The following TRPC6 variants were observed in gnomAD, a reference collection of about 807,000 sequenced individuals.
TRPC6 encodes transient receptor potential cation channel subfamily C member 6, also known as short transient receptor potential channel 6.
Under a neutral mutation model 90.7 loss-of-function variants are expected in TRPC6, and 55 were observed. That is an observed-to-expected ratio of 0.61 (90% CI 0.49 to 0.76). TRPC6 has a LOEUF of 0.76. Ranked by LOEUF, TRPC6 falls within the 30% of genes least tolerant of loss-of-function variation. The pLI, the probability that TRPC6 is intolerant of heterozygous loss-of-function variation, is 0.00. For missense variants in TRPC6, 989 were observed against 1,122.7 expected, an observed-to-expected ratio of 0.88 and a Z score of 1.70; for synonymous variants, 393 against 393.0, an observed-to-expected ratio of 1.00 and a Z score of 0.00.
At chr11:101,487,161 A>C (rs959387839) in intron 4 of TRPC6, among the ~76,000 whole-genome samples, 1 of 152,136 alleles carries the variant, frequency 6.6e-6, no homozygotes, top group African/African-American at 2.4e-5. Flanking sequence ...GGAATACATT[A>C]TGCTTTCGAA....
At chr11:101,555,940 C>T (rs771942159) in intron 1 of TRPC6, among the ~76,000 whole-genome samples, 1 of 151,992 alleles carries the variant, frequency 6.6e-6, no homozygotes, top group Non-Finnish European at 1.5e-5. Flanking sequence ...TGCCAATACA[C>T]GGATATTGAA....
At chr11:101,548,260 T>C (rs1591127672) in intron 1 of TRPC6, among the ~76,000 whole-genome samples, 1 of 115,680 alleles carries the variant, frequency 8.6e-6, no homozygotes, top group African/African-American at 3.4e-5. Flanking sequence ...CATATATATA[T>C]ACATATATAT....
chr11:101,544,257 T>A (rs573909466), intron 1 of TRPC6, among the ~76,000 whole-genome samples: 4 of 152,116 alleles, frequency 2.6e-5, no homozygotes, highest in Admixed American at 6.5e-5. Context: ...TATGGAGAAA[T>A]AGGAACCCTC....
At chr11:101,510,089 C>T (rs192418289) in intron 1 of TRPC6, among the ~76,000 whole-genome samples, 316 of 152,208 alleles carry the variant, frequency 2.1e-3, no homozygotes, top group Admixed American at 4.8e-3. Flanking sequence ...CAGAACAAAA[C>T]GCATGCTTTG....
intron 3 of TRPC6, among the ~76,000 whole-genome samples, chr11:101,489,401 G>A (rs923075494): frequency 2.6e-5 from 4 of 151,842 alleles, no homozygotes; most frequent in African/African-American, 2.4e-5. Flanking sequence ...TTTTACATAC[G>A]GCTTTTATGA....
At position 101,488,984 on chromosome 11, in the gene TRPC6, C is replaced by G. The variant is rs1591080471; in HGVS notation, c.1246G>C (p.Gly416Arg). 1.2e-6 allele frequency: 2 copies of G among 1,614,162 alleles called. No homozygotes were observed. The highest frequency in any genetic ancestry group is 4.5e-5 in the East Asian group (2 of 44,888). ...KFLVVLAVAI[G>R]LPFLALIYWF... ...TAAATGAGAGCCAGGAAGGGCAGTC[C>G]AATGGCAACAGCAAGGACCACAAGG... is the stretch of plus-strand genomic sequence containing the variant. Residue 416 changes from glycine (G) to arginine (R), a missense_variant, in exon 4 of 13, where the codon GGA (glycine) becomes CGA (arginine). Physicochemically the swap from Gly to Arg is moderately radical, Grantham distance 125. Around this residue, in one of 4 missense-constraint regions of TRPC6, gnomAD observed 486 missense variants for 591.9 expected, o/e 0.82. Coordinates refer to ENST00000344327, the MANE Select transcript of TRPC6 (RefSeq NM_004621.6).
intron 2 of TRPC6, among the ~76,000 whole-genome samples, chr11:101,496,459 A>C (rs535455711): frequency 4.0e-4 from 61 of 152,288 alleles, no homozygotes; most frequent in African/African-American, 1.4e-3. Flanking sequence ...TGGGGTTGTG[A>C]GGATATAAAA....
chr11:101,487,162 T>C (rs542876675), intron 4 of TRPC6, among the ~76,000 whole-genome samples: 1 of 152,264 alleles, frequency 6.6e-6, no homozygotes, highest in African/African-American at 2.4e-5. Flanking sequence ...GAATACATTA[T>C]GCTTTCGAAC....
At chr11:101,571,909 T>TA (rs1254565228) in intron 1 of TRPC6, among the ~76,000 whole-genome samples, 1 of 152,030 alleles carries the variant, frequency 6.6e-6, no homozygotes, top group Non-Finnish European at 1.5e-5. Context: ...CCTAAAACCA[T>TA]AAAAACCCTA....
At chr11:101,481,921 G>A (rs746185667) in intron 5 of TRPC6, among the ~76,000 whole-genome samples, 29 of 152,152 alleles carry the variant, frequency 1.9e-4, no homozygotes, top group South Asian at 4.2e-4. Context: ...ATCATATTTC[G>A]AGTGTGCGAG....
chr11:101,465,020 GTAAAGGATTT>G (rs1029158442), intron 10 of TRPC6, among the ~76,000 whole-genome samples: 2 of 152,168 alleles, frequency 1.3e-5, no homozygotes, highest in African/African-American at 4.8e-5. Context: ...TTGCTTGTCT[GTAAAGGATTT>G]TATTTCTCCT....
intron 6 of TRPC6, among the ~76,000 whole-genome samples, chr11:101,474,671 G>A (rs1354078118): frequency 1.3e-5 from 2 of 151,942 alleles, no homozygotes. Context: ...AATAATAATG[G>A]AGGCCTTATG....
intron 10 of TRPC6, among the ~76,000 whole-genome samples, 166 bp downstream of exon 10, chr11:101,469,261 T>G (rs1859227911): frequency 1.3e-5 from 2 of 152,222 alleles, no homozygotes; most frequent in South Asian, 4.1e-4. Context: ...AAACATAGCT[T>G]ATTTCTACCT....
At chr11:101,501,270 A>AAAAG (rs1860116817) in intron 2 of TRPC6, among the ~76,000 whole-genome samples, 1 of 151,910 alleles carries the variant, frequency 6.6e-6, no homozygotes, top group Non-Finnish European at 1.5e-5. Context: ...AAGATTTTAA[A>AAAAG]AAAAAAGACT....
chr11:101,529,715 T>C (rs913534615), intron 1 of TRPC6, among the ~76,000 whole-genome samples: 3 of 152,180 alleles, frequency 2.0e-5, no homozygotes, highest in Non-Finnish European at 2.9e-5. Flanking sequence ...GGCAGGATAA[T>C]GGAATAGGAG....
intron 10 of TRPC6, among the ~76,000 whole-genome samples, chr11:101,459,191 C>T (rs932692425): frequency 3.9e-5 from 6 of 152,056 alleles, no homozygotes; most frequent in Non-Finnish European, 8.8e-5. Context: ...AATGCCAAGA[C>T]TGAGTTGGAA....
chr11:101,461,331 G>A (rs753213547), intron 10 of TRPC6, among the ~76,000 whole-genome samples: 22 of 152,316 alleles, frequency 1.4e-4, no homozygotes, highest in Middle Eastern at 3.4e-3. Context: ...TTGGGAGGCT[G>A]AGGTAGGTGG....
chr11:101,552,071 A>C (rs1436370431), intron 1 of TRPC6, among the ~76,000 whole-genome samples: 3 of 152,112 alleles, frequency 2.0e-5, no homozygotes, highest in Non-Finnish European at 4.4e-5. Context: ...CCATGAAACT[A>C]TGGCGGGCCA....
intron 1 of TRPC6, among the ~76,000 whole-genome samples, chr11:101,516,314 T>C (rs1860520790): frequency 6.6e-6 from 1 of 152,146 alleles, no homozygotes; most frequent in South Asian, 2.1e-4. Flanking sequence ...TATTTTTTAT[T>C]ATTGTGACGC....
Sources: gnomAD v4.1 joint callset for allele counts (sites outside exome capture counted in the v4.1 genomes callset) on GRCh38, gnomAD v4.1.1 for gene constraint, gnomAD v4.1.1 regional missense constraint, MANE v1.5 for transcripts, NCBI Gene and HGNC (gene_info 2026-07-23, HGNC 2026-07-21) for gene names.